MSN: variants seen among roughly 807,000 people sequenced by gnomAD.
MSN encodes the protein epididymis luminal protein 70.
Under a neutral mutation model 48.0 loss-of-function variants are expected in MSN, and 2 were observed. That is an observed-to-expected ratio of 0.04 (90% CI 0.02 to 0.13). MSN has a LOEUF of 0.13. MSN is among the 10% of genes least tolerant of loss of function. The pLI is 1.00. For missense variants in MSN, 267 were observed against 470.1 expected (o/e 0.57, Z 3.99); for synonymous variants, 146 against 166.9 (o/e 0.87, Z 0.97).
intron 1 of MSN, among the ~76,000 whole-genome samples, chrX:65,607,505 T>A (rs2070287592): frequency 9.1e-6 from 1 of 110,356 alleles, no homozygotes; most frequent in African/African-American, 3.3e-5. Context: ...AGGGAAGGAG[T>A]CACCCAAAGG....
At chrX:65,717,485 C>G (rs2071477745) in intron 2 of MSN, among the ~76,000 whole-genome samples, 5 of 112,183 alleles carry the variant, frequency 4.5e-5, no homozygotes, top group Admixed American at 3.8e-4. Flanking sequence ...TACAGGCATG[C>G]CATGAAGATA....
intron 1 of MSN, among the ~76,000 whole-genome samples, chrX:65,686,063 T>C (rs927418218): frequency 8.9e-6 from 1 of 112,726 alleles, no homozygotes; most frequent in African/African-American, 3.2e-5. Context: ...AAAGTGGAAT[T>C]TTGCAGAGCA....
chrX:65,709,748 G>A (rs2071396827), intron 1 of MSN, among the ~76,000 whole-genome samples: 1 of 112,878 alleles, frequency 8.9e-6, no homozygotes, highest in East Asian at 2.8e-4. Flanking sequence ...TGATCTGTTC[G>A]AGACACTGGC....
intron 1 of MSN, 167 bp from the exon 2 acceptor site, chrX:65,716,651 G>T: frequency 2.1e-6 from 1 of 465,738 alleles, no homozygotes; most frequent in East Asian, 3.8e-5. Context: ...CTTGGGAGCA[G>T]GGGTTGTGTT....
chrX:65,733,166 T>C lies in MSN; in HGVS notation c.699-18T>C, dbSNP rs2071640660. On this transcript the variant is annotated intron_variant, in intron 6 of 12. Coordinates refer to ENST00000360270, the MANE Select transcript of MSN (RefSeq NM_002444.3). The stretch of plus-strand genomic sequence containing the variant: ...TGTCTTGCCCTTGTCCTGATGTTAT[T>C]GGTTTCTATTTCTACAGACTAACTC... 8.5e-7 allele frequency: 1 copy of C among 1,177,635 alleles called. No homozygotes were observed.
chrX:65,728,201 T>C (rs1162769630), intron 3 of MSN, among the ~76,000 whole-genome samples: 1 of 112,681 alleles, frequency 8.9e-6, no homozygotes, highest in African/African-American at 3.2e-5. Context: ...TTGGATCAAA[T>C]CCATTAGTGG....
chrX:65,603,436 T>C (rs1051984661), intron 1 of MSN, among the ~76,000 whole-genome samples: 1 of 111,770 alleles, frequency 8.9e-6, no homozygotes, highest in Admixed American at 9.6e-5. Flanking sequence ...ATTTAATAGA[T>C]GAAAGGACAG....
chrX:65,702,414 G>A (rs1469477224), intron 1 of MSN, among the ~76,000 whole-genome samples: 4 of 105,856 alleles, frequency 3.8e-5, no homozygotes, highest in Admixed American at 1.0e-4. Context: ...GCCTGTAATC[G>A]CAGCACTTTG....
upstream of MSN, chrX:65,667,645 G>C (rs758586670): frequency 7.3e-5 from 75 of 1,024,222 alleles, 1 homozygote; most frequent in South Asian, 2.3e-3. Context: ...CGGGCGGCGC[G>C]ACAGGGGCGG....
intron 1 of MSN, among the ~76,000 whole-genome samples, chrX:65,640,344 G>A (rs2070639052): frequency 1.8e-5 from 2 of 111,416 alleles, no homozygotes; most frequent in African/African-American, 6.5e-5. Context: ...TTTGAGACCA[G>A]CCTGGCTAAC....
intron 1 of MSN, among the ~76,000 whole-genome samples, chrX:65,700,904 G>A (rs1009219606): frequency 9.0e-6 from 1 of 111,449 alleles, no homozygotes; most frequent in Non-Finnish European, 1.9e-5. Flanking sequence ...GAGGAGTTGG[G>A]AAGAGATGTG....
chrX:65,668,860 T>C (rs751820260), intron 1 of MSN, among the ~76,000 whole-genome samples: 1 of 111,986 alleles, frequency 8.9e-6, no homozygotes, highest in East Asian at 2.8e-4. Flanking sequence ...CCAAACAGCT[T>C]GTTGAGCTGG....
intron 1 of MSN, among the ~76,000 whole-genome samples, chrX:65,614,580 C>G (rs141489366): frequency 0.13 from 13,921 of 107,722 alleles, 2,259 homozygotes; most frequent in African/African-American, 0.44. Flanking sequence ...TGAAGAGGTC[C>G]TTCACATCCC....
chrX:65,714,131 A>G (rs1236008118), intron 1 of MSN, among the ~76,000 whole-genome samples: 1 of 109,711 alleles, frequency 9.1e-6, no homozygotes, highest in African/African-American at 3.3e-5. Context: ...AATGACCTCC[A>G]CTCCATTCAT....
intron 1 of MSN, among the ~76,000 whole-genome samples, chrX:65,621,920 T>C (rs1457447020): frequency 9.0e-6 from 1 of 111,640 alleles, no homozygotes; most frequent in African/African-American, 3.2e-5. Flanking sequence ...TAATCACCTT[T>C]CTGGATTCTG....
chrX:65,731,773 C>T, intron 5 of MSN, 65 bp from the exon 6 acceptor site: 1 of 1,142,280 alleles, frequency 8.8e-7, no homozygotes, highest in Non-Finnish European at 1.2e-6. Context: ...AGTAAGCAGG[C>T]TTTCTATCTC....
At chrX:65,614,342 T>C (rs1224541493) in intron 1 of MSN, among the ~76,000 whole-genome samples, 3 of 112,046 alleles carry the variant, frequency 2.7e-5, no homozygotes, top group African/African-American at 9.7e-5. Context: ...TAGGATTTTC[T>C]TGGTTATACG....
intron 1 of MSN, among the ~76,000 whole-genome samples, chrX:65,630,778 A>G (rs938985960): frequency 1.8e-5 from 2 of 111,822 alleles, no homozygotes; most frequent in African/African-American, 6.5e-5. Flanking sequence ...GTCTTTTGTT[A>G]CTGATTTCTT....
At chrX:65,641,033 C>T (rs746103411) in intron 1 of MSN, among the ~76,000 whole-genome samples, 2 of 109,022 alleles carry the variant, frequency 1.8e-5, no homozygotes, top group South Asian at 4.0e-4. Context: ...TGCTTGAACC[C>T]GGGAGGCGGA....
Sources: allele counts gnomAD v4.1 joint callset (sites outside exome capture counted in the v4.1 genomes callset), GRCh38; gene constraint gnomAD v4.1.1; transcripts MANE v1.5; gene names NCBI Gene and HGNC (gene_info 2026-07-23, HGNC 2026-07-21).